FAM13A: variants seen among roughly 807,000 people sequenced by gnomAD.
FAM13A encodes family with sequence similarity 13 member A.
FAM13A carries 76 observed loss-of-function variants against 129.6 expected under a neutral mutation model. That is an observed-to-expected ratio of 0.59 (90% CI 0.49 to 0.71). FAM13A has a LOEUF of 0.71. Among genes scored for constraint, FAM13A ranks in the 30% least tolerant of loss-of-function variants. The pLI, the probability that FAM13A is intolerant of heterozygous loss-of-function variation, is 0.00. For synonymous variants in FAM13A, 443 were observed against 449.9 expected (o/e 0.98, Z 0.20); for missense variants, 1,108 against 1,249.3 (o/e 0.89, Z 1.70).
chr4:88,787,735 G>C lies in FAM13A; in HGVS notation c.1271+18C>G. ...AAAGAGAAAACTCAAGTAAGAGGAA[G>C]AATCAATGCCAACTCACTTGTCTCT... On this transcript the variant is annotated intron_variant, in intron 10 of 23. Transcript: ENST00000264344. 6.2e-7 allele frequency: 1 copy of C among 1,607,084 alleles called. No individual in the cohort carries two copies. The highest frequency in any genetic ancestry group is 8.5e-7 in the Non-Finnish European group (1 of 1,177,176).
chr4:88,990,901 C>A, intron 4 of FAM13A, 72 bp downstream of exon 4: 1 of 1,140,726 alleles, frequency 8.8e-7, no homozygotes, highest in South Asian at 1.4e-5. Flanking sequence ...CTTCTACATC[C>A]CAGTAATTTC....
chr4:88,998,394 A>G (rs544077933), intron 3 of FAM13A, among the ~76,000 whole-genome samples: 1 of 152,350 alleles, frequency 6.6e-6, no homozygotes, highest in South Asian at 2.1e-4. Context: ...CCAGGACCTC[A>G]TAACATACAA....
intron 4 of FAM13A, among the ~76,000 whole-genome samples, chr4:88,978,730 C>A (rs1195885026): frequency 1.3e-5 from 2 of 151,980 alleles, no homozygotes; most frequent in Non-Finnish European, 2.9e-5. Context: ...GGAGGCGGAG[C>A]TTGCAGTGAG....
Position 88,750,010 on chromosome 4 carries a change from G to A in FAM13A, c.1941-101C>T. ...ACACCATGTGGCATGCGGTGGTGGG[G>A]TGGGGGCAGTGCGGAGACAAAACAG... is the stretch of plus-strand genomic sequence containing the variant. On this transcript the variant is annotated intron_variant, in intron 15 of 23. Coordinates refer to ENST00000264344, the MANE Select transcript of FAM13A (RefSeq NM_014883.4). 3 of 1,260,148 alleles carry A rather than the reference G, an allele frequency of 2.4e-6. No individual in the cohort carries two copies. The East Asian group carries it at 7.0e-5, about 29-fold the overall frequency. 78.1% of individuals were successfully genotyped at this position (1,260,148 alleles called of 1,614,324 possible).
At chr4:89,021,815 A>G (rs1767293751) in intron 2 of FAM13A, among the ~76,000 whole-genome samples, 1 of 152,194 alleles carries the variant, frequency 6.6e-6, no homozygotes, top group African/African-American at 2.4e-5. Context: ...CTTGGTTCAA[A>G]AGGGAGAGGG....
At chr4:88,894,946 AG>A (rs1221145222) in intron 6 of FAM13A, among the ~76,000 whole-genome samples, 5 of 152,242 alleles carry the variant, frequency 3.3e-5, no homozygotes, top group Non-Finnish European at 5.9e-5. Context: ...ATAAAATCTA[AG>A]AAAATAATAC....
chr4:88,968,196 A>C lies in FAM13A; in HGVS notation c.605+22777T>G, dbSNP rs573982744. ...CCCGCCTCAGGGACTTGAATATCCT[A>C]GTTATTAAAACTGCATTCAACTCTT... On this transcript the variant is annotated intron_variant, in intron 4 of 23. Transcript: ENST00000264344. Among the ~76,000 whole-genome samples the C allele has an allele frequency of 2.6e-5, 4 of 152,302 alleles. No individual in the cohort carries two copies. In the South Asian group the frequency reaches 8.3e-4, roughly 32 times the overall value.
At chr4:88,838,304 A>G (rs1329974724) in intron 7 of FAM13A, among the ~76,000 whole-genome samples, 2 of 152,234 alleles carry the variant, frequency 1.3e-5, no homozygotes, top group Admixed American at 6.5e-5. Flanking sequence ...TTATGACTCC[A>G]TATTATTAAG....
At chr4:88,999,221 A>C (rs1193431672) in intron 3 of FAM13A, among the ~76,000 whole-genome samples, 1 of 152,206 alleles carries the variant, frequency 6.6e-6, no homozygotes, top group South Asian at 2.1e-4. Context: ...CCTAAATAGT[A>C]TCTCAGCATA....
intron 10 of FAM13A, among the ~76,000 whole-genome samples, chr4:88,782,802 T>C (rs1262933933): frequency 6.6e-6 from 1 of 152,170 alleles, no homozygotes; most frequent in Non-Finnish European, 1.5e-5. Flanking sequence ...CAAGCACTTA[T>C]ACTCATGCAC....
chr4:88,990,080 C>T (rs973706133), intron 4 of FAM13A: 2 of 152,112 alleles, frequency 1.3e-5, no homozygotes, highest in Non-Finnish European at 2.9e-5. Flanking sequence ...AAAGTTAACA[C>T]CTTTAGAATT....
At chr4:88,827,478 T>C (rs1032476743) in intron 7 of FAM13A, among the ~76,000 whole-genome samples, 1 of 152,180 alleles carries the variant, frequency 6.6e-6, no homozygotes, top group Admixed American at 6.5e-5. Context: ...GTAAAATATA[T>C]AGAATAGTGC....
chr4:89,013,283 A>T (rs2464512), intron 3 of FAM13A, among the ~76,000 whole-genome samples: 5,512 of 149,510 alleles, frequency 0.037, 313 homozygotes, highest in African/African-American at 0.12. Flanking sequence ...TATATATATA[A>T]CACAGTATAT....
chr4:88,882,169 G>A (rs1346666747), intron 6 of FAM13A, among the ~76,000 whole-genome samples: 3 of 151,984 alleles, frequency 2.0e-5, no homozygotes, highest in Non-Finnish European at 2.9e-5. Flanking sequence ...CATCACCTAG[G>A]CACATAATCA....
intron 5 of FAM13A, among the ~76,000 whole-genome samples, chr4:88,917,589 C>T (rs1750316469): frequency 6.6e-6 from 1 of 152,186 alleles, no homozygotes; most frequent in Admixed American, 6.5e-5. Context: ...TCAACCCACC[C>T]TTCTTGTCAT....
At chr4:88,862,010 A>G in intron 6 of FAM13A, among the ~76,000 whole-genome samples, 1 of 152,218 alleles carries the variant, frequency 6.6e-6, no homozygotes, top group East Asian at 1.9e-4. Flanking sequence ...ACTGTCTCTC[A>G]TATTTTTAAA....
chr4:88,769,896 T>C (rs1183091850), intron 11 of FAM13A, among the ~76,000 whole-genome samples: 1 of 152,012 alleles, frequency 6.6e-6, no homozygotes, highest in African/African-American at 2.4e-5. Context: ...TTATTATTAA[T>C]ATAATTAATG....
At chr4:88,998,857 T>G (rs1259682569) in intron 3 of FAM13A, among the ~76,000 whole-genome samples, 2 of 152,154 alleles carry the variant, frequency 1.3e-5, no homozygotes, top group Non-Finnish European at 2.9e-5. Flanking sequence ...CATTTTCCTA[T>G]GCAAAAGGAG....
chr4:88,911,068 T>C (rs562344557), intron 5 of FAM13A, among the ~76,000 whole-genome samples: 103 of 152,346 alleles, frequency 6.8e-4, no homozygotes, highest in African/African-American at 2.3e-3. Context: ...AGGAGCTCAA[T>C]TGTTGAGTGA....
Sources: allele counts gnomAD v4.1 joint callset (sites outside exome capture counted in the v4.1 genomes callset), GRCh38; gene constraint gnomAD v4.1.1; transcripts MANE v1.5; gene names NCBI Gene and HGNC (gene_info 2026-07-23, HGNC 2026-07-21).